Variants in VPS72 observed in about 807,000 individuals in gnomAD.
The protein encoded by VPS72 is vacuolar protein sorting 72 homolog.
In VPS72, 27 loss-of-function variants were observed where a neutral mutation model predicts 38.9. The ratio of observed to expected loss-of-function variants is 0.69; its 90% CI spans 0.51 to 0.96. The LOEUF (loss-of-function observed/expected upper bound fraction) is 0.96. Ranked by LOEUF, VPS72 falls within the 40% of genes least tolerant of loss-of-function variation. The pLI, the probability that VPS72 is intolerant of heterozygous loss-of-function variation, is 0.00. For synonymous variants in VPS72, 173 were observed against 186.3 expected (o/e 0.93, Z 0.58); for missense variants, 360 against 479.5 (o/e 0.75, Z 2.33).
Position 151,185,841 on chromosome 1 carries a change from T to C in VPS72, c.227A>G (p.Glu76Gly), listed in dbSNP as rs1268039941. 6.2e-7 allele frequency: 1 copy of C among 1,614,186 alleles called. No homozygotes were observed. The highest frequency in any genetic ancestry group is 8.5e-7 in the Non-Finnish European group (1 of 1,180,038). ...TACTCGGCGCTTCCTTCTTGGCTCT[T>C]CTGCTTCTCCATCACTGGATGGTTC... The part of the protein sequence containing the change: ...GDEPSSDGEA[E>G]EPRRKRRVVT... Residue 76 changes from glutamate (E) to glycine (G), a missense_variant, in exon 2 of 6, where the codon GAA becomes GGA. Physicochemically the swap from Glu to Gly is moderately conservative, Grantham distance 98. Coordinates refer to ENST00000368892, the MANE Select transcript of VPS72 (RefSeq NM_005997.3).
Position 151,184,178 on chromosome 1 carries a change from A to T in VPS72, c.562+139T>A, listed in dbSNP as rs587763107. 1,170 of 1,148,916 alleles carry T rather than the reference A, an allele frequency of 1.0e-3. 1 individual carries two copies. The highest frequency in any genetic ancestry group is 1.3e-3 in the Non-Finnish European group (1,071 of 808,208). 71.2% of individuals were successfully genotyped at this position (1,148,916 alleles called of 1,614,324 possible). A position where few individuals can be genotyped will look rare whatever the true frequency, so the allele number is the denominator to read the frequency against. ...ACTGCCTAGACTCTTGCACCTAATT[A>T]CCTACTCTCCGCCATTTCTTCCTTC... On this transcript the variant is annotated intron_variant, in intron 4 of 5. Transcript: ENST00000368892.
intron 1 of VPS72, among the ~76,000 whole-genome samples, chr1:151,187,599 C>T (rs980568194): frequency 6.6e-6 from 1 of 152,112 alleles, no homozygotes; most frequent in Non-Finnish European, 1.5e-5. Flanking sequence ...TAAGAGACAT[C>T]ACTAGAAAAG....
In VPS72 at chr1:151,184,359, G is replaced by C. The variant is rs1481735038; in HGVS notation, c.520C>G (p.Arg174Gly). The change falls in exon 4 of 6, where the codon CGG becomes GGG. Residue 174 changes from arginine to glycine, a missense_variant. Physicochemically the swap from Arg to Gly is moderately radical, Grantham distance 125 (BLOSUM62 -2). Coordinates refer to ENST00000368892, the MANE Select transcript of VPS72 (RefSeq NM_005997.3). ...ERPLTQEELL[R>G]EAKITEELNL... ...AGCTCTTCTGTGATCTTGGCCTCCC[G>C]GAGCAGTTCCTCCTGGGTTAGTGGC... 6.2e-7 allele frequency: 1 copy of C among 1,613,830 alleles called. No homozygotes were observed. The highest frequency in any genetic ancestry group is 1.7e-5 in the Admixed American group (1 of 59,952).
Position 151,176,882 on chromosome 1 carries a change from A to G in VPS72, c.857T>C (p.Val286Ala). 6.2e-7 allele frequency: 1 copy of G among 1,614,132 alleles called. No homozygotes were observed. The highest frequency in any genetic ancestry group is 8.5e-7 in the Non-Finnish European group (1 of 1,180,028). The stretch of plus-strand genomic sequence containing the variant: ...CACTGGACAGACCTCACGAACAGGG[A>G]CTTTTGGGGGCCGCCCTTGGGGGAA... ...EWFPQGRPPK[V>A]PVREVCPVTH... The change falls in exon 6 of 6, where the codon GTC becomes GCC. Residue 286 changes from valine (V) to alanine (A), a missense_variant. Physicochemically the swap from Val to Ala is moderately conservative, Grantham distance 64 (BLOSUM62 0). Coordinates refer to ENST00000368892, the MANE Select transcript of VPS72 (RefSeq NM_005997.3).
In VPS72 at chr1:151,176,667, G is replaced by A. The variant is rs750661899; in HGVS notation, c.1072C>T (p.Arg358Cys). ...CTTCATTTAATGACAATTTTCTGGC[G>A]CAAGGCTCGGGGCCCAGAGCCAGGG... is the stretch of plus-strand genomic sequence containing the variant. ...PLPGSGPRALRQKIVIK is the reference protein window; with the variant it reads ...PLPGSGPRALCQKIVIK Residue 358 changes from arginine to cysteine, a missense_variant, in exon 6 of 6, where the codon CGC (arginine) becomes TGC (cysteine). Transcript: ENST00000368892. 1.9e-6 allele frequency: 3 copies of A among 1,613,800 alleles called. No homozygotes were observed. The highest frequency in any genetic ancestry group is 1.1e-5 in the South Asian group (1 of 91,048).
At chr1:151,182,614 G>A (rs1038964816) in intron 4 of VPS72, among the ~76,000 whole-genome samples, 5 of 151,964 alleles carry the variant, frequency 3.3e-5, no homozygotes, top group African/African-American at 1.2e-4. Context: ...ACTTTGATTC[G>A]ACTTGGTCCC....
chr1:151,176,994 G>C lies in VPS72; in HGVS notation c.745C>G (p.His249Asp). ...PAPSVSALTP[H>D]AGTGPVNPPA... ...GGGTTGACGGGTCCAGTCCCAGCATGAGGAGTCAATGCAGACACCGAGGGA... is the reference window on the plus strand; with the variant it reads ...GGGTTGACGGGTCCAGTCCCAGCATCAGGAGTCAATGCAGACACCGAGGGA... The change falls in exon 6 of 6, where the codon CAT becomes GAT. Residue 249 changes from histidine to aspartate, a missense_variant. Transcript: ENST00000368892. The C allele has an allele frequency of 1.9e-6, 3 of 1,592,680 alleles. No individual in the cohort carries two copies. The highest frequency in any genetic ancestry group is 2.6e-6 in the Non-Finnish European group (3 of 1,167,612).
chr1:151,176,632 C>G lies in VPS72; in HGVS notation c.*12G>C. 1.2e-6 allele frequency: 2 copies of G among 1,611,836 alleles called. No individual in the cohort carries two copies. The highest frequency in any genetic ancestry group is 1.7e-6 in the Non-Finnish European group (2 of 1,179,234). On this transcript the variant is annotated 3_prime_UTR_variant, in exon 6 of 6. Coordinates refer to ENST00000368892, the MANE Select transcript of VPS72 (RefSeq NM_005997.3). ...AGGGCAGGAAAGAAGTTTCTGAGGA[C>G]TAGACATCTCTTCATTTAATGACAA... is the stretch of plus-strand genomic sequence containing the variant.
intron 4 of VPS72, among the ~76,000 whole-genome samples, chr1:151,182,957 T>C (rs1684271850): frequency 6.6e-6 from 1 of 152,198 alleles, no homozygotes; most frequent in South Asian, 2.1e-4. Context: ...AAATTTGTAT[T>C]TTCAGCCCAG....
In VPS72 at chr1:151,176,366, G is replaced by C; in HGVS notation, c.*278C>G. On this transcript the variant is annotated 3_prime_UTR_variant, in exon 6 of 6. Transcript: ENST00000368892. ...GGAGGAATGAATACAATTTAGAAAG[G>C]ACAGCTCATAATAAATGCTATCGAA... 2.4e-6 allele frequency: 1 copy of C among 423,042 alleles called. No individual in the cohort carries two copies. The highest frequency in any genetic ancestry group is 3.3e-5 in the South Asian group (1 of 30,758). The allele number at this position is 423,042 out of a possible 1,614,324, so 26.2% of individuals were successfully genotyped here. A position where few individuals can be genotyped will look rare whatever the true frequency, so the allele number is the denominator to read the frequency against.
In VPS72 at chr1:151,176,905, G is replaced by A. The variant is rs757933490; in HGVS notation, c.834C>T (p.Phe278=). ...GGACTTTTGGGGGCCGCCCTTGGGG[G>A]AACCATTCCTCGAAAGTTGCATCAT... ...FSDDATFEEW[F]PQGRPPKVPV... The change falls in exon 6 of 6, where the codon TTC becomes TTT. Residue 278 remains phenylalanine, a synonymous_variant. Transcript: ENST00000368892. 4 of 1,613,848 alleles carry A rather than the reference G, an allele frequency of 2.5e-6. No homozygotes were observed. The highest frequency in any genetic ancestry group is 1.3e-5 in the African/African-American group (1 of 74,890).
intron 4 of VPS72, among the ~76,000 whole-genome samples, chr1:151,182,467 T>C (rs1342385623): frequency 6.6e-6 from 1 of 152,236 alleles, no homozygotes; most frequent in Non-Finnish European, 1.5e-5. Context: ...AACTCAGTTC[T>C]TTCTCATGAA....
chr1:151,185,902 C>T lies in VPS72; in HGVS notation c.166G>A (p.Glu56Lys). The T allele has an allele frequency of 6.2e-7, 1 of 1,614,130 alleles. No individual in the cohort carries two copies. Among genetic ancestry groups the T allele is most frequent in the Non-Finnish European group, 8.5e-7 (1 of 1,180,022 alleles). Residue 56 changes from glutamate (E) to lysine (K), a missense_variant, in exon 2 of 6, where the codon GAA becomes AAA. Physicochemically the swap from Glu to Lys is moderately conservative, Grantham distance 56. Around this residue, in one of 2 missense-constraint regions of VPS72, gnomAD observed 66 missense variants for 123.1 expected, o/e 0.54. Coordinates refer to ENST00000368892, the MANE Select transcript of VPS72 (RefSeq NM_005997.3). ...TCAATGTCAAAGTCAGAGTCCACTT[C>T]GTCCTCTGTGTCTGACTGGTCCCCT... ...YQGDQSDTEDEVDSDFDIDEG... is the reference protein window; with the variant it reads ...YQGDQSDTEDKVDSDFDIDEG...
chr1:151,183,659 A>T (rs1684287343), intron 4 of VPS72, among the ~76,000 whole-genome samples: 1 of 151,796 alleles, frequency 6.6e-6, no homozygotes, highest in Non-Finnish European at 1.5e-5. Flanking sequence ...ACAGGGTTTC[A>T]CCATGTTGGC....
At chr1:151,180,380 C>G (rs753446871) in intron 4 of VPS72, among the ~76,000 whole-genome samples, 3 of 152,004 alleles carry the variant, frequency 2.0e-5, no homozygotes, top group Non-Finnish European at 4.4e-5. Context: ...TGCACTTGAA[C>G]TGTTTGATAA....
At chr1:151,186,024 C>T (rs916350376) in intron 1 of VPS72, 74 bp from the exon 2 acceptor site, 9 of 1,554,090 alleles carry the variant, frequency 5.8e-6, no homozygotes, top group African/African-American at 2.7e-5. Flanking sequence ...CAGAATCTCT[C>T]GACTTTCTTG....
chr1:151,181,384 C>T (rs931441334), intron 4 of VPS72, among the ~76,000 whole-genome samples: 6 of 151,968 alleles, frequency 3.9e-5, no homozygotes, highest in Non-Finnish European at 5.9e-5. Context: ...GCCAGGACTA[C>T]AGGCACGCAC....
intron 1 of VPS72, among the ~76,000 whole-genome samples, chr1:151,188,890 G>T (rs935121988): frequency 2.0e-5 from 3 of 151,914 alleles, no homozygotes; most frequent in Non-Finnish European, 4.4e-5. Flanking sequence ...GAGTGCAGTG[G>T]TACGATCTCG....
intron 1 of VPS72, among the ~76,000 whole-genome samples, chr1:151,186,383 A>G (rs1684349434): frequency 6.6e-6 from 1 of 151,948 alleles, no homozygotes; most frequent in Non-Finnish European, 1.5e-5. Context: ...ACATGGTGAA[A>G]CTCTGTCTCT....
Sources: allele counts gnomAD v4.1 joint callset (sites outside exome capture counted in the v4.1 genomes callset), GRCh38; gene constraint gnomAD v4.1.1; regional missense constraint gnomAD v4.1.1; transcripts MANE v1.5; gene names NCBI Gene and HGNC (gene_info 2026-07-23, HGNC 2026-07-21).